Variants in FHIT observed in about 807,000 individuals in gnomAD.
The protein encoded by FHIT is bis(5'-adenosyl)-triphosphatase.
FHIT carries 19 observed loss-of-function variants against 17.9 expected under a neutral mutation model. That is an observed-to-expected ratio of 1.06 (90% CI 0.74 to 1.56). The LOEUF (loss-of-function observed/expected upper bound fraction) is 1.56, where lower values mean the gene tolerates loss of function less well. Ranked by LOEUF, FHIT falls within the 40% of genes most tolerant of loss-of-function variation. FHIT has a pLI of 0.00. For synonymous variants in FHIT, 81 were observed against 69.7 expected, an observed-to-expected ratio of 1.16 and a Z score of -0.81; for missense variants, 248 against 189.2, an observed-to-expected ratio of 1.31 and a Z score of -1.82.
chr3:60,281,631 A>AAG (rs1553731378), intron 5 of FHIT, among the ~76,000 whole-genome samples: 44 of 132,934 alleles, frequency 3.3e-4, no homozygotes, highest in Admixed American at 1.6e-3. Context: ...AAAAAAAAAA[A>AAG]GGGGGGATCT....
chr3:60,928,758 G>A (rs1456135252), intron 3 of FHIT, among the ~76,000 whole-genome samples: 2 of 152,130 alleles, frequency 1.3e-5, no homozygotes, highest in African/African-American at 4.8e-5. Flanking sequence ...AGGACCAGAT[G>A]GATTCACAGC....
At chr3:59,761,640 T>A (rs1283872927) in intron 8 of FHIT, among the ~76,000 whole-genome samples, 1 of 151,896 alleles carries the variant, frequency 6.6e-6, no homozygotes, top group East Asian at 1.9e-4. Flanking sequence ...GGAGTCTTGC[T>A]CTGTTGCCCA....
intron 5 of FHIT, among the ~76,000 whole-genome samples, chr3:60,201,544 A>G (rs956722643): frequency 7.9e-5 from 12 of 152,032 alleles, no homozygotes; most frequent in Non-Finnish European, 1.3e-4. Flanking sequence ...CTACCCCCCA[A>G]AAAACCCTTT....
At chr3:61,010,729 T>C (rs2031741546) in intron 3 of FHIT, among the ~76,000 whole-genome samples, 1 of 152,242 alleles carries the variant, frequency 6.6e-6, no homozygotes, top group African/African-American at 2.4e-5. Context: ...CTGATATTTC[T>C]TATATCACCA....
intron 8 of FHIT, among the ~76,000 whole-genome samples, chr3:59,911,403 A>G (rs1371321481): frequency 6.6e-6 from 1 of 152,176 alleles, no homozygotes; most frequent in Non-Finnish European, 1.5e-5. Flanking sequence ...AGTTCCATAC[A>G]TGAAGGTGTG....
chr3:60,334,858 T>C (rs562192279), intron 5 of FHIT, among the ~76,000 whole-genome samples: 2 of 152,362 alleles, frequency 1.3e-5, no homozygotes, highest in East Asian at 3.9e-4. Context: ...CTGTGATTAA[T>C]GTACAGCCTG....
At chr3:61,104,155 A>G (rs1377884287) in intron 2 of FHIT, among the ~76,000 whole-genome samples, 5 of 152,006 alleles carry the variant, frequency 3.3e-5, no homozygotes, top group Non-Finnish European at 7.4e-5. Context: ...TGGTTGTTTT[A>G]TAGTGTCACT....
At chr3:61,015,464 C>T (rs528844003) in intron 3 of FHIT, among the ~76,000 whole-genome samples, 2 of 152,194 alleles carry the variant, frequency 1.3e-5, no homozygotes, top group Non-Finnish European at 2.9e-5. Flanking sequence ...TTTTGGATTA[C>T]GCTTGATCTC....
rs1700759706 is a variant in FHIT at position 59,749,379 on chromosome 3, C to G, written c.*206G>C. ...AGACAGGGGGAAACCTCAAATCTGC[C>G]TGTCTGAGCCGTTTAGGTCTAGGTA... On this transcript the variant is annotated 3_prime_UTR_variant, in exon 10 of 10. Coordinates refer to ENST00000492590, the MANE Select transcript of FHIT (RefSeq NM_002012.4). 2 of 231,272 alleles carry G rather than the reference C, an allele frequency of 8.6e-6. No homozygotes were observed. Among genetic ancestry groups the G allele is most frequent in the Non-Finnish European group, 1.7e-5 (2 of 117,136 alleles). The allele number at this position is 231,272 out of a possible 1,614,324, so 14.3% of individuals were successfully genotyped here.
intron 2 of FHIT, among the ~76,000 whole-genome samples, chr3:61,194,431 C>A (rs1284852573): frequency 6.6e-6 from 1 of 151,948 alleles, no homozygotes; most frequent in Non-Finnish European, 1.5e-5. Context: ...CCCGACACCA[C>A]TAGTTATTTA....
At chr3:59,999,119 G>A (rs1045180989) in intron 7 of FHIT, among the ~76,000 whole-genome samples, 2 of 151,922 alleles carry the variant, frequency 1.3e-5, no homozygotes, top group Admixed American at 6.6e-5. Context: ...GGGTTTTCTC[G>A]CAGTCGACAA....
At chr3:60,439,636 G>C (rs1291045640) in intron 5 of FHIT, among the ~76,000 whole-genome samples, 2 of 152,010 alleles carry the variant, frequency 1.3e-5, no homozygotes, top group Non-Finnish European at 1.5e-5. Context: ...CTAAATACCA[G>C]AACAGCAGCC....
chr3:60,864,136 G>A (rs962789719), intron 3 of FHIT, among the ~76,000 whole-genome samples: 7 of 151,868 alleles, frequency 4.6e-5, no homozygotes, highest in African/African-American at 1.2e-4. Flanking sequence ...ACTTAATCAC[G>A]AGAACAGCAT....
At chr3:61,239,761 C>CTATATATATATATATATATATA (rs1491311135) in intron 1 of FHIT, among the ~76,000 whole-genome samples, 1,795 of 62,676 alleles carry the variant, frequency 0.029, 91 homozygotes, top group African/African-American at 0.039. Flanking sequence ...AAACAACTGG[C>CTATATATATATATATATATATA]CATATATATA....
At chr3:60,469,676 C>G (rs1423130753) in intron 5 of FHIT, among the ~76,000 whole-genome samples, 1 of 151,880 alleles carries the variant, frequency 6.6e-6, no homozygotes, top group African/African-American at 2.4e-5. Context: ...TTGGTGAGGT[C>G]ATGTTTTTCT....
At chr3:60,228,479 A>G (rs1419282180) in intron 5 of FHIT, among the ~76,000 whole-genome samples, 1 of 152,162 alleles carries the variant, frequency 6.6e-6, no homozygotes, top group African/African-American at 2.4e-5. Context: ...TGGTATGTGA[A>G]TTATATCTAC....
At chr3:61,204,738 C>G (rs928652801) in intron 1 of FHIT, among the ~76,000 whole-genome samples, 1 of 150,704 alleles carries the variant, frequency 6.6e-6, no homozygotes, top group Non-Finnish European at 1.5e-5. Flanking sequence ...AAATAGGAAC[C>G]AAAAAAAAGC....
chr3:61,202,462 GT>G (rs35166731), intron 1 of FHIT, among the ~76,000 whole-genome samples: 65,315 of 150,792 alleles, frequency 0.43, 14,447 homozygotes, highest in East Asian at 0.58. Flanking sequence ...GATCTTTTCT[GT>G]TCTTCCCCAA....
chr3:60,253,170 A>T (rs1359328560), intron 5 of FHIT, among the ~76,000 whole-genome samples: 1 of 152,188 alleles, frequency 6.6e-6, no homozygotes, highest in Non-Finnish European at 1.5e-5. Flanking sequence ...TCCAGTGAGC[A>T]AATCAAAATG....
Sources: allele counts gnomAD v4.1 joint callset (sites outside exome capture counted in the v4.1 genomes callset), GRCh38; gene constraint gnomAD v4.1.1; transcripts MANE v1.5; gene names NCBI Gene and HGNC (gene_info 2026-07-23, HGNC 2026-07-21).